Variants in ZC2HC1B observed in about 807,000 individuals in gnomAD.
The protein encoded by ZC2HC1B is zinc finger C2HC domain-containing protein 1B.
Under a neutral mutation model 31.0 loss-of-function variants are expected in ZC2HC1B, and 36 were observed. The observed-to-expected ratio is 1.16, with a 90% CI of 0.89 to 1.54. The LOEUF (loss-of-function observed/expected upper bound fraction) is 1.54. Ranked by LOEUF, ZC2HC1B falls within the 40% of genes most tolerant of loss-of-function variation. The probability of loss-of-function intolerance (pLI) is 0.00; values close to 1 mark genes in which losing one functional copy is unlikely to be tolerated. For missense variants in ZC2HC1B, 260 were observed against 268.6 expected (o/e 0.97, Z 0.22); for synonymous variants, 73 against 88.0 (o/e 0.83, Z 0.95).
intron 1 of ZC2HC1B, among the ~76,000 whole-genome samples, chr6:143,882,140 T>C (rs183251673): frequency 6.6e-6 from 1 of 151,770 alleles, no homozygotes; most frequent in African/African-American, 2.4e-5. Flanking sequence ...GTACTAACCC[T>C]GTCTTATAGG....
intron 1 of ZC2HC1B, among the ~76,000 whole-genome samples, chr6:143,876,826 G>GT (rs909885150): frequency 1.3e-5 from 2 of 150,054 alleles, no homozygotes; most frequent in African/African-American, 4.9e-5. Flanking sequence ...GGCCAGTCTA[G>GT]TTTTTTTCGT....
chr6:143,873,291 T>C (rs1432477690), intron 1 of ZC2HC1B, among the ~76,000 whole-genome samples: 5 of 152,228 alleles, frequency 3.3e-5, no homozygotes, highest in Admixed American at 3.3e-4. Context: ...GTTCCCAAGG[T>C]CTTGGCAGCT....
Position 143,886,785 on chromosome 6 carries a change from C to A in ZC2HC1B, c.313C>A (p.Pro105Thr), listed in dbSNP as rs779455956. 1.3e-6 allele frequency: 2 copies of A among 1,546,118 alleles called. No individual in the cohort carries two copies. The highest frequency in any genetic ancestry group is 2.4e-5 in the South Asian group (2 of 83,254). ...QCMLAIKEGR[P>T]LPPPPPPSLN... is the part of the protein sequence containing the mutation. ...TATGCTAGCCATTAAAGAAGGCCGACCCCTCCCACCTCCACCCCCTCCATC... is the reference window on the plus strand; with the variant it reads ...TATGCTAGCCATTAAAGAAGGCCGAACCCTCCCACCTCCACCCCCTCCATC... Residue 105 changes from proline to threonine, a missense_variant, in exon 4 of 8, where the codon CCC (proline) becomes ACC (threonine). Pro to Thr is a conservative substitution (Grantham distance 38). Coordinates refer to ENST00000237275, the MANE Select transcript of ZC2HC1B (RefSeq NM_001013623.3). The surrounding 1 kb of genome is among the most constrained non-coding windows in gnomAD (Gnocchi z 4.2).
chr6:143,906,565 T>G (rs910325764), intron 6 of ZC2HC1B, among the ~76,000 whole-genome samples: 1 of 152,094 alleles, frequency 6.6e-6, no homozygotes, highest in Non-Finnish European at 1.5e-5. Context: ...TGTCTCAGCC[T>G]CTCCAGTAGC....
At position 143,927,078 on chromosome 6, in the gene ZC2HC1B, G is replaced by A. The variant is rs551282717; in HGVS notation, c.599-10571G>A. 2.3e-3 allele frequency among the ~76,000 whole-genome samples: 344 copies of A among 151,998 alleles called. 1 individual carries two copies. The highest frequency in any genetic ancestry group is 7.1e-3 in the African/African-American group (295 of 41,434). On this transcript the variant is annotated intron_variant, in intron 6 of 7. Coordinates refer to ENST00000237275, the MANE Select transcript of ZC2HC1B (RefSeq NM_001013623.3). ...CTCCCAAAGTGCTGGGATTACAGGC[G>A]TGAGCCACCGCGCCCGGCCCGAATT...
chr6:143,893,417 A>T (rs139053252), intron 4 of ZC2HC1B, among the ~76,000 whole-genome samples: 2 of 152,096 alleles, frequency 1.3e-5, no homozygotes, highest in East Asian at 3.9e-4. Context: ...ATACAAAAAA[A>T]ATTAGCCAGG....
At chr6:143,914,185 G>C (rs1777891498) in intron 6 of ZC2HC1B, among the ~76,000 whole-genome samples, 1 of 151,774 alleles carries the variant, frequency 6.6e-6, no homozygotes, top group Non-Finnish European at 1.5e-5. Context: ...TTGTTGATTT[G>C]AGATCTTTTT....
chr6:143,934,525 TC>T lies in ZC2HC1B; in HGVS notation c.599-3123del, dbSNP rs892279263. 1.3e-5 allele frequency among the ~76,000 whole-genome samples: 2 copies of T among 152,250 alleles called. No homozygotes were observed. The highest frequency in any genetic ancestry group is 4.8e-5 in the African/African-American group (2 of 41,460). On this transcript the variant is annotated intron_variant, in intron 6 of 7. Coordinates refer to ENST00000237275, the MANE Select transcript of ZC2HC1B (RefSeq NM_001013623.3). The surrounding 1 kb of genome is among the most constrained non-coding windows in gnomAD (Gnocchi z 4.6). Reference sequence around the variant, plus strand: ...TCATATTTTCTTGCATTTTTATGTTTCTTGTGTTCCTATGCCAATATCTCTG... The same window carrying T: ...TCATATTTTCTTGCATTTTTATGTTTTTGTGTTCCTATGCCAATATCTCTG...
At position 143,871,258 on chromosome 6, in the gene ZC2HC1B, A is replaced by G. The variant is rs138104760; in HGVS notation, c.28+6691A>G. On this transcript the variant is annotated intron_variant, in intron 1 of 7. Coordinates refer to ENST00000237275, the MANE Select transcript of ZC2HC1B (RefSeq NM_001013623.3). This position sits in a 1 kb window ranked among gnomAD's most constrained non-coding sequence, Gnocchi z 4.1. ...GGATCCAGTCAGCATAATGTCATCA[A>G]TGTAATGGACCAGTGTGATACCTTG... is the stretch of plus-strand genomic sequence containing the variant. 2.8e-4 allele frequency among the ~76,000 whole-genome samples: 43 copies of G among 152,326 alleles called. No individual in the cohort carries two copies. In the East Asian group the frequency reaches 7.7e-3, roughly 27 times the overall value.
At chr6:143,937,580 C>A in intron 6 of ZC2HC1B, 69 bp from the exon 7 acceptor site, 1 of 1,349,276 alleles carries the variant, frequency 7.4e-7, no homozygotes. Context: ...GGGGATTTCA[C>A]AATCATGTCT....
intron 6 of ZC2HC1B, among the ~76,000 whole-genome samples, chr6:143,907,255 T>A (rs751246503): frequency 5.9e-5 from 9 of 152,228 alleles, no homozygotes; most frequent in Non-Finnish European, 1.0e-4. Flanking sequence ...TGTGCATGTA[T>A]CTTTATAATA....
rs1778109253 is a variant in ZC2HC1B at position 143,930,655 on chromosome 6, G to A, written c.599-6994G>A. On this transcript the variant is annotated intron_variant, in intron 6 of 7. Coordinates refer to ENST00000237275, the MANE Select transcript of ZC2HC1B (RefSeq NM_001013623.3). ...GCCTCCCAAAGTGCTGGGATTACAA[G>A]CGTGAGCCACCGCGCCCAGCCAGTT... is the stretch of plus-strand genomic sequence containing the variant. 2.6e-5 allele frequency among the ~76,000 whole-genome samples: 4 copies of A among 152,050 alleles called. No individual in the cohort carries two copies. The South Asian group carries it at 6.2e-4, about 24-fold the overall frequency.
chr6:143,876,067 A>C (rs1777405290), intron 1 of ZC2HC1B, among the ~76,000 whole-genome samples: 1 of 150,688 alleles, frequency 6.6e-6, no homozygotes, highest in African/African-American at 2.4e-5. Flanking sequence ...AAGGCTGTGC[A>C]TGCACCTTTC....
chr6:143,912,357 G>A (rs987490010), intron 6 of ZC2HC1B, among the ~76,000 whole-genome samples: 2 of 152,172 alleles, frequency 1.3e-5, no homozygotes, highest in African/African-American at 4.8e-5. Flanking sequence ...GGCTTTTTGA[G>A]TTTTCAGTGT....
Position 143,886,164 on chromosome 6 carries a change from T to C in ZC2HC1B, c.210+13T>C. On this transcript the variant is annotated intron_variant, in intron 3 of 7. Transcript: ENST00000237275. This position sits in a 1 kb window ranked among gnomAD's most constrained non-coding sequence, Gnocchi z 4.2. ...TCCACAATCCAAGGTACTCCTGATA[T>C]CTTCTTTAGTGTTTGTTATTACATT... The C allele has an allele frequency of 1.3e-6, 2 of 1,515,582 alleles. No homozygotes were observed. The highest frequency in any genetic ancestry group is 1.8e-6 in the Non-Finnish European group (2 of 1,135,566). 93.9% of individuals were successfully genotyped at this position (1,515,582 alleles called of 1,614,324 possible). A position where few individuals can be genotyped will look rare whatever the true frequency, so the allele number is the denominator to read the frequency against.
intron 6 of ZC2HC1B, among the ~76,000 whole-genome samples, chr6:143,919,424 G>A (rs1479425703): frequency 6.6e-6 from 1 of 151,974 alleles, no homozygotes; most frequent in African/African-American, 2.4e-5. Context: ...TTAATGTCTA[G>A]TTTCCAAAAG....
In ZC2HC1B at chr6:143,886,975, A is replaced by G. The variant is rs117822986; in HGVS notation, c.349+154A>G. Reference sequence around the variant, plus strand: ...AACATCCTATTTTTTTCAATTCTGCATAAAGATTCTGTGTTTCCTTCTAAC... The same window carrying G: ...AACATCCTATTTTTTTCAATTCTGCGTAAAGATTCTGTGTTTCCTTCTAAC... On this transcript the variant is annotated intron_variant, in intron 4 of 7. Coordinates refer to ENST00000237275, the MANE Select transcript of ZC2HC1B (RefSeq NM_001013623.3). This position sits in a 1 kb window ranked among gnomAD's most constrained non-coding sequence, Gnocchi z 4.2. 7.2e-5 allele frequency among the ~76,000 whole-genome samples: 11 copies of G among 152,340 alleles called. No homozygotes were observed. The East Asian group carries it at 2.1e-3, about 29-fold the overall frequency.
Position 143,886,704 on chromosome 6 carries a change from A to T in ZC2HC1B, c.232A>T (p.Asn78Tyr). Residue 78 changes from asparagine to tyrosine, a missense_variant, in exon 4 of 8, where the codon AAC becomes TAC. By Grantham distance (143) the Asn-to-Tyr change is moderately radical (BLOSUM62 -2). Transcript: ENST00000237275. This position sits in a 1 kb window ranked among gnomAD's most constrained non-coding sequence, Gnocchi z 4.2. ...QSKSPPVRKS[N>Y]WRQQHEDFIN... is the part of the protein sequence containing the mutation. Reference sequence around the variant, plus strand: ...ACAGTCTCCACCTGTGAGGAAGTCTAACTGGAGACAACAACATGAAGACTT... The same window carrying T: ...ACAGTCTCCACCTGTGAGGAAGTCTTACTGGAGACAACAACATGAAGACTT... 6.5e-7 allele frequency: 1 copy of T among 1,544,172 alleles called. No individual in the cohort carries two copies. The highest frequency in any genetic ancestry group is 8.7e-7 in the Non-Finnish European group (1 of 1,143,588).
At position 143,868,063 on chromosome 6, in the gene ZC2HC1B, T is replaced by G. The variant is rs537198790; in HGVS notation, c.28+3496T>G. Among the ~76,000 whole-genome samples, 1 of 152,330 alleles carries G rather than the reference T, an allele frequency of 6.6e-6. No individual in the cohort carries two copies. The highest frequency in any genetic ancestry group is 1.9e-4 in the East Asian group (1 of 5,188). On this transcript the variant is annotated intron_variant, in intron 1 of 7. Transcript: ENST00000237275. This position sits in a 1 kb window ranked among gnomAD's most constrained non-coding sequence, Gnocchi z 4.2. ...TGTAGATTATTTTACCTCAGAAGTTTAAAGGGTTTCTTCCATTTGTTTCCA... is the reference window on the plus strand; with the variant it reads ...TGTAGATTATTTTACCTCAGAAGTTGAAAGGGTTTCTTCCATTTGTTTCCA...
Sources: allele counts gnomAD v4.1 joint callset (sites outside exome capture counted in the v4.1 genomes callset), GRCh38; gene constraint gnomAD v4.1.1; non-coding constraint Gnocchi (gnomAD v3.1); transcripts MANE v1.5; gene names NCBI Gene and HGNC (gene_info 2026-07-23, HGNC 2026-07-21).